Variants in CDH13 observed in about 807,000 individuals in gnomAD.
CDH13 encodes cadherin-13.
CDH13 carries 24 observed loss-of-function variants against 63.8 expected under a neutral mutation model. That is an observed-to-expected ratio of 0.38 (90% CI 0.27 to 0.53). CDH13 has a LOEUF of 0.53. Ranked by LOEUF, CDH13 falls within the 20% of genes least tolerant of loss-of-function variation. The pLI, the probability that CDH13 is intolerant of heterozygous loss-of-function variation, is 0.85. For synonymous variants in CDH13, 503 were observed against 355.3 expected (o/e 1.42, Z -4.67); for missense variants, 1,049 against 903.1 (o/e 1.16, Z -2.07).
intron 6 of CDH13, among the ~76,000 whole-genome samples, chr16:83,378,937 T>A (rs901030464): frequency 7.2e-5 from 11 of 152,102 alleles, no homozygotes; most frequent in African/African-American, 2.2e-4. Context: ...ATATTTCTTA[T>A]AATTATTTCC....
intron 6 of CDH13, among the ~76,000 whole-genome samples, chr16:83,454,302 T>C (rs2072963154): frequency 1.3e-5 from 2 of 152,234 alleles, no homozygotes; most frequent in African/African-American, 4.8e-5. Flanking sequence ...AAAATCTGTT[T>C]TGTGTGCATG....
intron 7 of CDH13, among the ~76,000 whole-genome samples, chr16:83,581,926 C>T (rs150223894): frequency 6.6e-6 from 1 of 152,326 alleles, no homozygotes; most frequent in African/African-American, 2.4e-5. Flanking sequence ...ATCTTCTTTA[C>T]AATCATTCTG....
chr16:83,196,402 A>G (rs2038881088), intron 4 of CDH13, among the ~76,000 whole-genome samples: 1 of 152,250 alleles, frequency 6.6e-6, no homozygotes, highest in Non-Finnish European at 1.5e-5. Context: ...TGTCACAAAC[A>G]GGTGTGAACC....
intron 2 of CDH13, among the ~76,000 whole-genome samples, chr16:82,949,935 T>C (rs1402832933): frequency 6.6e-6 from 1 of 152,106 alleles, no homozygotes; most frequent in Non-Finnish European, 1.5e-5. Flanking sequence ...TGTGGTTTAC[T>C]TGGGGTATGT....
At chr16:83,708,266 G>A (rs1024070848) in intron 10 of CDH13, among the ~76,000 whole-genome samples, 9 of 152,192 alleles carry the variant, frequency 5.9e-5, no homozygotes, top group African/African-American at 1.4e-4. Context: ...GGACCTCACC[G>A]TAAGGGACAG....
chr16:82,842,947 G>C (rs1284989490), intron 1 of CDH13, among the ~76,000 whole-genome samples: 1 of 152,196 alleles, frequency 6.6e-6, no homozygotes, highest in African/African-American at 2.4e-5. Context: ...CAGAGGTGGA[G>C]CTCAGGTGGT....
chr16:83,559,559 G>A (rs911747700), intron 7 of CDH13, among the ~76,000 whole-genome samples: 26 of 141,626 alleles, frequency 1.8e-4, no homozygotes, highest in South Asian at 1.2e-3. Context: ...CAACAAGAGC[G>A]AAACTGTATA....
intron 2 of CDH13, among the ~76,000 whole-genome samples, chr16:83,015,935 G>A (rs1031521252): frequency 6.6e-6 from 1 of 151,596 alleles, no homozygotes; most frequent in African/African-American, 2.4e-5. Context: ...TTCAAATAGG[G>A]TGGAAAGCAG....
At chr16:82,794,378 A>T (rs2036477170) in intron 1 of CDH13, among the ~76,000 whole-genome samples, 2 of 151,014 alleles carry the variant, frequency 1.3e-5, no homozygotes, top group South Asian at 4.2e-4. Context: ...GGTTTAAATC[A>T]TCTGAACATC....
At chr16:82,783,594 C>T (rs2035867541) in intron 1 of CDH13, among the ~76,000 whole-genome samples, 1 of 152,206 alleles carries the variant, frequency 6.6e-6, no homozygotes, top group Non-Finnish European at 1.5e-5. Flanking sequence ...TGATTCTTTT[C>T]CTCCCTGAGC....
intron 1 of CDH13, among the ~76,000 whole-genome samples, chr16:82,676,486 CTTTTT>C (rs11330492): frequency 1.0e-5 from 1 of 96,360 alleles, no homozygotes. Context: ...ACCATCATTT[CTTTTT>C]TTTTTTTTTT....
intron 2 of CDH13, among the ~76,000 whole-genome samples, chr16:82,956,320 C>T (rs1033225375): frequency 6.6e-6 from 1 of 152,060 alleles, no homozygotes; most frequent in Non-Finnish European, 1.5e-5. Flanking sequence ...ACCATTATCT[C>T]TTGCCTGCAA....
At chr16:83,586,894 C>T (rs62040195) in intron 7 of CDH13, among the ~76,000 whole-genome samples, 1 of 151,992 alleles carries the variant, frequency 6.6e-6, no homozygotes, top group Non-Finnish European at 1.5e-5. Flanking sequence ...TTTTTTTTCC[C>T]TCAGATGATT....
chr16:83,185,224 T>A (rs1265075229), intron 4 of CDH13, among the ~76,000 whole-genome samples: 1 of 152,196 alleles, frequency 6.6e-6, no homozygotes, highest in Non-Finnish European at 1.5e-5. Flanking sequence ...TCATACCCCA[T>A]CTTTTATTTT....
At chr16:82,830,845 A>G (rs185154276) in intron 1 of CDH13, among the ~76,000 whole-genome samples, 1 of 152,306 alleles carries the variant, frequency 6.6e-6, no homozygotes, top group East Asian at 1.9e-4. Flanking sequence ...TCTTGTTTGA[A>G]ATGTGTGGTA....
chr16:83,328,636 G>A (rs1014962893), intron 5 of CDH13, among the ~76,000 whole-genome samples: 2 of 152,214 alleles, frequency 1.3e-5, no homozygotes, highest in Non-Finnish European at 2.9e-5. Flanking sequence ...GTAACCAGCA[G>A]ATGATGAGAG....
chr16:82,690,004 A>C (rs1202018729), intron 1 of CDH13, among the ~76,000 whole-genome samples: 3 of 142,612 alleles, frequency 2.1e-5, no homozygotes, highest in African/African-American at 5.2e-5. Flanking sequence ...AAAAAAAAAA[A>C]AAAAAAAAAA....
At chr16:83,240,673 TAAAAA>T (rs55638991) in intron 5 of CDH13, among the ~76,000 whole-genome samples, 2 of 125,040 alleles carry the variant, frequency 1.6e-5, no homozygotes, top group Non-Finnish European at 1.6e-5. Flanking sequence ...TTTTAAATAG[TAAAAA>T]AAAAAAAAAA....
intron 4 of CDH13, chr16:83,180,995 G>T: frequency 6.6e-7 from 1 of 1,526,712 alleles, no homozygotes; most frequent in Non-Finnish European, 8.8e-7. Flanking sequence ...TGCTTTAAAG[G>T]AATAAATCAC....
Sources: gnomAD v4.1 joint callset for allele counts (sites outside exome capture counted in the v4.1 genomes callset) on GRCh38, gnomAD v4.1.1 for gene constraint, MANE v1.5 for transcripts, NCBI Gene and HGNC (gene_info 2026-07-23, HGNC 2026-07-21) for gene names.